Variants in SYNPR observed in about 807,000 individuals in gnomAD.
SYNPR encodes synaptoporin.
A neutral mutation model predicts 32.9 loss-of-function variants in SYNPR; 23 were observed. That is an observed-to-expected ratio of 0.70 (90% CI 0.50 to 0.99). The LOEUF is 0.99. Among genes scored for constraint, SYNPR ranks in the 50% least tolerant of loss-of-function variants. The pLI is 0.00. For synonymous variants in SYNPR, 146 were observed against 135.9 expected (o/e 1.07, Z -0.52); for missense variants, 318 against 349.3 (o/e 0.91, Z 0.71).
At chr3:63,241,613 T>C (rs891530767) in intron 1 of SYNPR, among the ~76,000 whole-genome samples, 1 of 152,068 alleles carries the variant, frequency 6.6e-6, no homozygotes, top group Non-Finnish European at 1.5e-5. Flanking sequence ...TTCCTATATC[T>C]TGATATACAT....
At chr3:63,542,212 A>G (rs1160322934) in intron 3 of SYNPR, among the ~76,000 whole-genome samples, 1 of 152,122 alleles carries the variant, frequency 6.6e-6, no homozygotes, top group Non-Finnish European at 1.5e-5. Flanking sequence ...TTATTTTGGC[A>G]TAGAATTGAG....
intron 3 of SYNPR, among the ~76,000 whole-genome samples, chr3:63,529,273 A>G (rs1702069010): frequency 6.6e-6 from 1 of 152,244 alleles, no homozygotes; most frequent in South Asian, 2.1e-4. Flanking sequence ...AATCATCTCT[A>G]GATTACTTAT....
At chr3:63,353,537 C>G (rs1373517136) in intron 2 of SYNPR, among the ~76,000 whole-genome samples, 2 of 152,112 alleles carry the variant, frequency 1.3e-5, no homozygotes, top group African/African-American at 4.8e-5. Flanking sequence ...AGTGGAGATT[C>G]GGGAATTAGC....
intron 2 of SYNPR, among the ~76,000 whole-genome samples, chr3:63,342,535 A>T (rs2087383859): frequency 6.6e-6 from 1 of 152,010 alleles, no homozygotes; most frequent in Admixed American, 6.6e-5. Context: ...TTTGTTGATG[A>T]TTTTATGTCT....
chr3:63,220,510 C>T, the SYNPR span, among the ~76,000 whole-genome samples: 1 of 152,082 alleles, frequency 6.6e-6, no homozygotes, highest in African/African-American at 2.4e-5. Context: ...TAGGCTCTGT[C>T]ACTGTAGGGG....
At chr3:63,368,071 A>G (rs981302667) in intron 2 of SYNPR, among the ~76,000 whole-genome samples, 6 of 152,192 alleles carry the variant, frequency 3.9e-5, no homozygotes, top group Admixed American at 2.6e-4. Context: ...GCAGCAAGAA[A>G]TTTTTAAAAA....
At chr3:63,255,467 G>A (rs1343287588) in intron 2 of SYNPR, among the ~76,000 whole-genome samples, 1 of 152,172 alleles carries the variant, frequency 6.6e-6, no homozygotes, top group Non-Finnish European at 1.5e-5. Flanking sequence ...TATGTATGCT[G>A]TGAAGGAAAA....
intron 2 of SYNPR, among the ~76,000 whole-genome samples, chr3:63,284,372 C>T (rs919982022): frequency 6.6e-6 from 1 of 152,126 alleles, no homozygotes; most frequent in African/African-American, 2.4e-5. Context: ...CATAGTTCTC[C>T]AACACAATGC....
At chr3:63,490,044 T>A (rs184238646) in intron 3 of SYNPR, among the ~76,000 whole-genome samples, 1 of 152,088 alleles carries the variant, frequency 6.6e-6, no homozygotes, top group Admixed American at 6.5e-5. Context: ...GGTTAAGGGA[T>A]AAAGAGAGAA....
chr3:63,242,840 AAAGAT>A (rs2086258396), intron 1 of SYNPR, among the ~76,000 whole-genome samples: 1 of 152,128 alleles, frequency 6.6e-6, no homozygotes. Context: ...AGGAAATAGA[AAAGAT>A]AAAACAAGCA....
At chr3:63,396,311 G>A (rs574865874) in intron 2 of SYNPR, among the ~76,000 whole-genome samples, 1 of 152,212 alleles carries the variant, frequency 6.6e-6, no homozygotes, top group South Asian at 2.1e-4. Flanking sequence ...GAAACTTCAA[G>A]AGCTCCGTTT....
chr3:63,519,820 C>T (rs1300042854), intron 3 of SYNPR, among the ~76,000 whole-genome samples: 1 of 152,062 alleles, frequency 6.6e-6, no homozygotes, highest in Non-Finnish European at 1.5e-5. Flanking sequence ...ACCTTTATTA[C>T]AAAAAGTGAA....
At chr3:63,228,741 C>T (rs190678545) in intron 1 of SYNPR, among the ~76,000 whole-genome samples, 74 of 151,990 alleles carry the variant, frequency 4.9e-4, no homozygotes, top group African/African-American at 1.7e-3. Context: ...TACTCATTTA[C>T]GGGTGTTTTA....
chr3:63,443,176 G>T, intron 2 of SYNPR: 1 of 1,233,340 alleles, frequency 8.1e-7, no homozygotes, highest in Non-Finnish European at 1.0e-6. Context: ...TTCACCAGAG[G>T]GGAGTATCAG....
chr3:63,458,284 A>T (rs989402581), intron 2 of SYNPR, among the ~76,000 whole-genome samples: 1 of 152,042 alleles, frequency 6.6e-6, no homozygotes, highest in Non-Finnish European at 1.5e-5. Flanking sequence ...CCAAAATTTA[A>T]TGGCTTAAAA....
intron 2 of SYNPR, among the ~76,000 whole-genome samples, chr3:63,411,722 T>C (rs1449268415): frequency 6.6e-6 from 1 of 152,076 alleles, no homozygotes; most frequent in Non-Finnish European, 1.5e-5. Context: ...GCAAAGCTGA[T>C]GAACTTGAAG....
At chr3:63,299,145 C>T (rs556486222) in intron 2 of SYNPR, among the ~76,000 whole-genome samples, 3 of 152,094 alleles carry the variant, frequency 2.0e-5, no homozygotes, top group East Asian at 1.9e-4. Context: ...CAATAATCAG[C>T]TCAAAATAGC....
chr3:63,606,373 T>A (rs1700119114), intron 4 of SYNPR, among the ~76,000 whole-genome samples: 1 of 150,190 alleles, frequency 6.7e-6, no homozygotes, highest in Non-Finnish European at 1.5e-5. Context: ...AAAGGACTTC[T>A]TACTATTTTT....
chr3:63,527,021 C>T (rs111275921), intron 3 of SYNPR, among the ~76,000 whole-genome samples: 70 of 152,178 alleles, frequency 4.6e-4, no homozygotes, highest in African/African-American at 1.6e-3. Flanking sequence ...AGTGTTTGTT[C>T]GCCCAGAGAC....
Sources: allele counts gnomAD v4.1 joint callset (sites outside exome capture counted in the v4.1 genomes callset), GRCh38; gene constraint gnomAD v4.1.1; transcripts MANE v1.5; gene names NCBI Gene and HGNC (gene_info 2026-07-23, HGNC 2026-07-21).